The following NSMAF variants were observed in gnomAD, a reference collection of about 807,000 sequenced individuals.
NSMAF encodes the protein neutral sphingomyelinase activation associated factor.
NSMAF carries 90 observed loss-of-function variants against 134.9 expected under a neutral mutation model. The ratio of observed to expected loss-of-function variants is 0.67; its 90% CI spans 0.56 to 0.79. NSMAF has a LOEUF of 0.79. Among genes scored for constraint, NSMAF ranks in the 30% least tolerant of loss-of-function variants. The pLI, the probability that NSMAF is intolerant of heterozygous loss-of-function variation, is 0.00. For synonymous variants in NSMAF, 358 were observed against 389.6 expected, an observed-to-expected ratio of 0.92 and a Z score of 0.96; for missense variants, 1,010 against 1,119.0, an observed-to-expected ratio of 0.90 and a Z score of 1.39.
At chr8:58,589,769 C>A (rs1406450385) in intron 25 of NSMAF, 194 bp from the exon 26 acceptor site, 5 of 662,782 alleles carry the variant, frequency 7.5e-6, no homozygotes, top group Non-Finnish European at 1.2e-5. Flanking sequence ...CCATGTCTGG[C>A]TCATCTGTTT....
intron 19 of NSMAF, among the ~76,000 whole-genome samples, chr8:58,598,261 T>G (rs968188225): frequency 3.9e-5 from 6 of 151,994 alleles, no homozygotes; most frequent in Non-Finnish European, 8.8e-5. Flanking sequence ...GTGAGTTCAT[T>G]TATTAAAAAA....
chr8:58,647,905 G>A (rs965626054), intron 1 of NSMAF, among the ~76,000 whole-genome samples: 2 of 152,154 alleles, frequency 1.3e-5, no homozygotes, highest in Non-Finnish European at 1.5e-5. Flanking sequence ...ATGGATATAC[G>A]TAAAGACATG....
intron 1 of NSMAF, among the ~76,000 whole-genome samples, chr8:58,657,657 A>G (rs1385534220): frequency 1.3e-5 from 2 of 152,246 alleles, no homozygotes; most frequent in Non-Finnish European, 2.9e-5. Context: ...TGCATATTCT[A>G]TGCATTGAAT....
chr8:58,597,621 A>G, intron 20 of NSMAF, 71 bp from the exon 21 acceptor site: 7 of 1,411,710 alleles, frequency 5.0e-6, no homozygotes, highest in Non-Finnish European at 6.9e-6. Flanking sequence ...CATTTCAAAT[A>G]GTACTGATCA....
chr8:58,635,800 T>C (rs1001752078), intron 2 of NSMAF, among the ~76,000 whole-genome samples: 2 of 152,364 alleles, frequency 1.3e-5, no homozygotes, highest in Admixed American at 1.3e-4. Context: ...TGTATCTCCA[T>C]ATAGTTTACA....
intron 6 of NSMAF, among the ~76,000 whole-genome samples, chr8:58,625,028 T>A (rs1428555001): frequency 2.6e-5 from 4 of 152,206 alleles, no homozygotes; most frequent in African/African-American, 7.2e-5. Context: ...TGGGTGTATC[T>A]GTGAGGATGT....
chr8:58,627,190 C>T (rs1225260147), intron 6 of NSMAF, among the ~76,000 whole-genome samples: 1 of 152,184 alleles, frequency 6.6e-6, no homozygotes, highest in Non-Finnish European at 1.5e-5. Context: ...ATTTCTTTTG[C>T]TGTGCAGAAG....
chr8:58,616,753 A>G (rs1435174487), intron 9 of NSMAF, among the ~76,000 whole-genome samples: 1 of 152,200 alleles, frequency 6.6e-6, no homozygotes, highest in African/African-American at 2.4e-5. Flanking sequence ...GGCAAGAAAT[A>G]GAAAATAAAA....
In NSMAF at chr8:58,590,057, TA is replaced by T. The variant is rs1310894903; in HGVS notation, c.2036del (p.Leu679TyrfsTer10). 4 of 1,613,480 alleles carry T rather than the reference TA, an allele frequency of 2.5e-6. No homozygotes were observed. In the Admixed American group the frequency reaches 6.7e-5, roughly 27 times the overall value. ...TGACAGTGGCATCTCCTGGTAAAAGTAAACAAGACGATAAAGCCTGAAATAC... is the reference window on the plus strand; with the variant it reads ...TGACAGTGGCATCTCCTGGTAAAAGTAACAAGACGATAAAGCCTGAAATAC... ...SFSNMALSSC[L>X]LLPGDATVIT... is the part of the protein sequence containing the mutation. On this transcript the variant is annotated frameshift_variant, in exon 25 of 31. Transcript: ENST00000038176. LOFTEE classifies it high-confidence loss of function.
At chr8:58,655,375 T>C (rs1371279877) in intron 1 of NSMAF, among the ~76,000 whole-genome samples, 1 of 151,908 alleles carries the variant, frequency 6.6e-6, no homozygotes, top group Non-Finnish European at 1.5e-5. Context: ...TTTAGTCTAC[T>C]TCTAAATCAT....
intron 1 of NSMAF, among the ~76,000 whole-genome samples, chr8:58,650,913 G>A (rs1807567741): frequency 6.6e-6 from 1 of 152,152 alleles, no homozygotes; most frequent in South Asian, 2.1e-4. Context: ...TTTACACCAG[G>A]TACACAGCCA....
At chr8:58,623,864 C>G in intron 6 of NSMAF, 84 bp from the exon 7 acceptor site, 1 of 1,065,830 alleles carries the variant, frequency 9.4e-7, no homozygotes, top group South Asian at 1.4e-5. Context: ...TGTACAGAAC[C>G]TGCTATGATA....
At chr8:58,650,089 T>C (rs1183172589) in intron 1 of NSMAF, among the ~76,000 whole-genome samples, 2 of 152,296 alleles carry the variant, frequency 1.3e-5, no homozygotes, top group African/African-American at 4.8e-5. Context: ...CATAAGCACT[T>C]GGGTACCATT....
intron 1 of NSMAF, among the ~76,000 whole-genome samples, chr8:58,652,257 T>C (rs1039339226): frequency 1.3e-5 from 2 of 152,184 alleles, no homozygotes; most frequent in Non-Finnish European, 2.9e-5. Context: ...ACAATTAGAC[T>C]TAACAATATT....
At chr8:58,621,438 T>C (rs1446740786) in intron 9 of NSMAF, among the ~76,000 whole-genome samples, 1 of 152,228 alleles carries the variant, frequency 6.6e-6, no homozygotes, top group Non-Finnish European at 1.5e-5. Context: ...TGTATCTTTA[T>C]GGTAGAACAA....
chr8:58,644,817 G>A (rs779430315), intron 1 of NSMAF, among the ~76,000 whole-genome samples: 5 of 152,118 alleles, frequency 3.3e-5, no homozygotes, highest in African/African-American at 4.8e-5. Flanking sequence ...CCTTTGCAGC[G>A]ACATGGATGA....
rs1449559037 is a variant in NSMAF at position 58,587,848 on chromosome 8, C to G, written c.2212-147G>C. The G allele has an allele frequency of 2.4e-5, 16 of 660,174 alleles. 1 individual carries two copies. The highest frequency in any genetic ancestry group is 1.1e-4 in the East Asian group (4 of 36,308). 40.9% of individuals were successfully genotyped at this position (660,174 alleles called of 1,614,324 possible). ...CTGCACAGTGCTCCAGCTCCTCCTC[C>G]CTATGCCTGCACTTTCTCCCACCAG... is the stretch of plus-strand genomic sequence containing the variant. On this transcript the variant is annotated intron_variant, in intron 26 of 30. Coordinates refer to ENST00000038176, the MANE Select transcript of NSMAF (RefSeq NM_003580.4).
intron 1 of NSMAF, 129 bp downstream of exon 1, chr8:58,659,444 C>G (rs758423999): frequency 6.7e-5 from 100 of 1,496,478 alleles, no homozygotes; most frequent in Non-Finnish European, 8.2e-5. Flanking sequence ...AGGCCCTGGA[C>G]ACGCGTCCGG....
intron 21 of NSMAF, among the ~76,000 whole-genome samples, chr8:58,596,658 G>A (rs1187289860): frequency 1.3e-5 from 2 of 152,156 alleles, no homozygotes; most frequent in East Asian, 1.9e-4. Flanking sequence ...GGCCGAGCGC[G>A]GTGGCTCAGG....
Sources: allele counts gnomAD v4.1 joint callset (sites outside exome capture counted in the v4.1 genomes callset), GRCh38; gene constraint gnomAD v4.1.1; transcripts MANE v1.5; gene names NCBI Gene and HGNC (gene_info 2026-07-23, HGNC 2026-07-21).